The following GJD3 variants were observed in gnomAD, a reference collection of about 807,000 sequenced individuals.
The protein encoded by GJD3 is gap junction delta-3 protein.
For synonymous variants in GJD3, 217 were observed against 226.7 expected, an observed-to-expected ratio of 0.96 and a Z score of 0.38; for missense variants, 421 against 448.5, an observed-to-expected ratio of 0.94 and a Z score of 0.55.
chr17:40,364,130 A>G lies in GJD3; in HGVS notation c.-315T>C, dbSNP rs2034780370. ...TCGACCCTGGGATCCTCCAGATCCC[A>G]GATTCTTAGGAAGGACCTTGGAGAT... On this transcript the variant is annotated 5_prime_UTR_variant, in exon 1 of 1. Coordinates refer to ENST00000578689, the MANE Select transcript of GJD3 (RefSeq NM_152219.4). 3.5e-6 allele frequency: 1 copy of G among 282,244 alleles called. No homozygotes were observed. The highest frequency in any genetic ancestry group is 7.2e-6 in the Non-Finnish European group (1 of 138,910). 17.5% of individuals were successfully genotyped at this position (282,244 alleles called of 1,614,324 possible). A position where few individuals can be genotyped will look rare whatever the true frequency, so the allele number is the denominator to read the frequency against.
Position 40,362,924 on chromosome 17 carries a change from C to T in GJD3, c.*7G>A. 3 of 1,216,072 alleles carry T rather than the reference C, an allele frequency of 2.5e-6. No homozygotes were observed. Among genetic ancestry groups the T allele is most frequent in the Admixed American group, 4.4e-5 (1 of 22,700 alleles). 75.3% of individuals were successfully genotyped at this position (1,216,072 alleles called of 1,614,324 possible). On this transcript the variant is annotated 3_prime_UTR_variant, in exon 1 of 1. Transcript: ENST00000578689. The stretch of plus-strand genomic sequence containing the variant: ...GCCGTCCAGTCCGCGCGAGGCGGTG[C>T]CCGCCCCTAGATGGCCAGATCTCGG...
In GJD3 at chr17:40,362,808, C is replaced by T; in HGVS notation, c.*123G>A. 9.4e-7 allele frequency: 1 copy of T among 1,068,404 alleles called. No individual in the cohort carries two copies. Among genetic ancestry groups the T allele is most frequent in the Non-Finnish European group, 1.1e-6 (1 of 881,112 alleles). 66.2% of individuals were successfully genotyped at this position (1,068,404 alleles called of 1,614,324 possible). The stretch of plus-strand genomic sequence containing the variant: ...CCGCCCGCGGGCCGTCCCCACAACG[C>T]GTCTCCTGCCGGGGCAGGTCCCGCG... On this transcript the variant is annotated 3_prime_UTR_variant, in exon 1 of 1. Transcript: ENST00000578689.
Position 40,363,692 on chromosome 17 carries a change from C to T in GJD3, c.124G>A (p.Gly42Ser), listed in dbSNP as rs1349410479. ...FRILVLATVG[G>S]AVFEDEQEEF... ...TCTTGCTCGTCCTCGAACACGGCGC[C>T]GCCCACCGTGGCCAGCACCAGGATG... is the stretch of plus-strand genomic sequence containing the variant. Residue 42 changes from glycine (G) to serine (S), a missense_variant, in exon 1 of 1, where the codon GGC becomes AGC. Physicochemically the swap from Gly to Ser is moderately conservative, Grantham distance 56. Transcript: ENST00000578689. This position sits in a 1 kb window ranked among gnomAD's most constrained non-coding sequence, Gnocchi z 5.5. 1.9e-6 allele frequency: 3 copies of T among 1,609,990 alleles called. No individual in the cohort carries two copies. In the African/African-American group the frequency reaches 4.0e-5, roughly 21 times the overall value.
chr17:40,363,311 C>T lies in GJD3; in HGVS notation c.505G>A (p.Ala169Thr), dbSNP rs1400828649. The T allele has an allele frequency of 1.4e-6, 2 of 1,401,934 alleles. No homozygotes were observed. The highest frequency in any genetic ancestry group is 3.0e-5 in the African/African-American group (2 of 66,828). 86.8% of individuals were successfully genotyped at this position (1,401,934 alleles called of 1,614,324 possible). ...GFRVAPHFAC[A>T]GPPCPHTVDC... Reference sequence around the variant, plus strand: ...ACCGTGTGCGGGCAGGGCGGACCGGCGCACGCGAAGTGCGGGGCCACGCGG... The same window carrying T: ...ACCGTGTGCGGGCAGGGCGGACCGGTGCACGCGAAGTGCGGGGCCACGCGG... The change falls in exon 1 of 1, where the codon GCC becomes ACC. Residue 169 changes from alanine to threonine, a missense_variant. Physicochemically the swap from Ala to Thr is moderately conservative, Grantham distance 58. Coordinates refer to ENST00000578689, the MANE Select transcript of GJD3 (RefSeq NM_152219.4). The surrounding 1 kb of genome is among the most constrained non-coding windows in gnomAD (Gnocchi z 5.5).
rs2034754847 is a variant in GJD3, at chr17:40,361,877, C to A, written c.*1054G>T. Among the ~76,000 whole-genome samples, 1 of 150,420 alleles carries A rather than the reference C, an allele frequency of 6.6e-6. No individual in the cohort carries two copies. Among genetic ancestry groups the A allele is most frequent in the Admixed American group, 6.6e-5 (1 of 15,180 alleles). On this transcript the variant is annotated 3_prime_UTR_variant, in exon 1 of 1. Coordinates refer to ENST00000578689, the MANE Select transcript of GJD3 (RefSeq NM_152219.4). ...TCTGGGTTGCCCTCTGGCCCGCCGC[C>A]CACCCCCACCCCACCTCCATGAAAG... is the stretch of plus-strand genomic sequence containing the variant.
rs1349410479 is a variant in GJD3 at position 40,363,692 on chromosome 17, C to G, written c.124G>C (p.Gly42Arg). 1.2e-6 allele frequency: 2 copies of G among 1,609,872 alleles called. No individual in the cohort carries two copies. The highest frequency in any genetic ancestry group is 2.7e-5 in the African/African-American group (2 of 74,894). The part of the protein sequence containing the change: ...FRILVLATVG[G>R]AVFEDEQEEF... ...TCTTGCTCGTCCTCGAACACGGCGC[C>G]GCCCACCGTGGCCAGCACCAGGATG... Residue 42 changes from glycine (G) to arginine (R), a missense_variant, in exon 1 of 1, where the codon GGC becomes CGC. Physicochemically the swap from Gly to Arg is moderately radical, Grantham distance 125. Coordinates refer to ENST00000578689, the MANE Select transcript of GJD3 (RefSeq NM_152219.4). The surrounding 1 kb of genome is among the most constrained non-coding windows in gnomAD (Gnocchi z 5.5).
In GJD3 at chr17:40,362,036, G is replaced by T. The variant is rs1479819568; in HGVS notation, c.*895C>A. Among the ~76,000 whole-genome samples the T allele has an allele frequency of 1.3e-5, 2 of 152,122 alleles. No homozygotes were observed. The highest frequency in any genetic ancestry group is 1.3e-4 in the Admixed American group (2 of 15,280). ...TGGGCGGGGTCTCTTGGGAGGGGGG[G>T]ACAGACCTCCTGTGATGCCCTGGCA... On this transcript the variant is annotated 3_prime_UTR_variant, in exon 1 of 1. Coordinates refer to ENST00000578689, the MANE Select transcript of GJD3 (RefSeq NM_152219.4).
Position 40,362,786 on chromosome 17 carries a change from C to CG in GJD3, c.*144_*145insC. 1 of 1,048,662 alleles carries CG rather than the reference C, an allele frequency of 9.5e-7. No individual in the cohort carries two copies. Among genetic ancestry groups the CG allele is most frequent in the Non-Finnish European group, 1.2e-6 (1 of 861,374 alleles). The allele number at this position is 1,048,662 out of a possible 1,614,324, so 65.0% of individuals were successfully genotyped here. On this transcript the variant is annotated 3_prime_UTR_variant, in exon 1 of 1. Coordinates refer to ENST00000578689, the MANE Select transcript of GJD3 (RefSeq NM_152219.4). The stretch of plus-strand genomic sequence containing the variant: ...GCAGTACGAGGCAAGTGCGATGCCG[C>CG]CCGCGGGCCGTCCCCACAACGCGTC...
Position 40,363,987 on chromosome 17 carries a change from G to C in GJD3, c.-172C>G, listed in dbSNP as rs2034779109. On this transcript the variant is annotated 5_prime_UTR_variant, in exon 1 of 1. Transcript: ENST00000578689. This position sits in a 1 kb window ranked among gnomAD's most constrained non-coding sequence, Gnocchi z 5.5. ...GACCAGTATGAAACGGAGGGCCACG[G>C]GAGGGCCCGAGGGGAGCAGGCGACG... The C allele has an allele frequency of 3.4e-6, 3 of 884,622 alleles. No individual in the cohort carries two copies. The African/African-American group carries it at 5.1e-5, about 15-fold the overall frequency. The allele number at this position is 884,622 out of a possible 1,614,324, so 54.8% of individuals were successfully genotyped here. A position where few individuals can be genotyped will look rare whatever the true frequency, so the allele number is the denominator to read the frequency against.
chr17:40,362,950 C>CGGCCGGT lies in GJD3; in HGVS notation c.859_865dup (p.Arg289HisfsTer104), dbSNP rs1349060853. The CGGCCGGT allele has an allele frequency of 9.6e-6, 12 of 1,243,678 alleles. No homozygotes were observed. The highest frequency in any genetic ancestry group is 1.1e-5 in the Non-Finnish European group (11 of 991,614). 77.0% of individuals were successfully genotyped at this position (1,243,678 alleles called of 1,614,324 possible). A position where few individuals can be genotyped will look rare whatever the true frequency, so the allele number is the denominator to read the frequency against. On this transcript the variant is annotated frameshift_variant, in exon 1 of 1. Transcript: ENST00000578689. LOFTEE classifies it high-confidence loss of function. Reference sequence around the variant, plus strand: ...CCGCCCCTAGATGGCCAGATCTCGGCGGCCGGTGGCCGGTGACGCCTTGCC... The same window carrying CGGCCGGT: ...CCGCCCCTAGATGGCCAGATCTCGGCGGCCGGTGGCCGGTGGCCGGTGACGCCTTGCC...
chr17:40,363,323 G>T lies in GJD3; in HGVS notation c.493C>A (p.His165Asn). The T allele has an allele frequency of 7.1e-7, 1 of 1,410,314 alleles. No homozygotes were observed. Among genetic ancestry groups the T allele is most frequent in the Non-Finnish European group, 9.3e-7 (1 of 1,079,694 alleles). 87.4% of individuals were successfully genotyped at this position (1,410,314 alleles called of 1,614,324 possible). The change falls in exon 1 of 1, where the codon CAC becomes AAC. Residue 165 changes from histidine (H) to asparagine (N), a missense_variant. Coordinates refer to ENST00000578689, the MANE Select transcript of GJD3 (RefSeq NM_152219.4). The surrounding 1 kb of genome is among the most constrained non-coding windows in gnomAD (Gnocchi z 5.5). ...CAGGGCGGACCGGCGCACGCGAAGT[G>T]CGGGGCCACGCGGAAGCCGTAGAGC... ...ALLYGFRVAP[H>N]FACAGPPCPH...
Position 40,363,812 on chromosome 17 carries a change from C to T in GJD3, c.4G>A (p.Gly2Arg), listed in dbSNP as rs1465104844. Residue 2 changes from glycine to arginine, a missense_variant, in exon 1 of 1, where the codon GGG becomes AGG. By Grantham distance (125) the Gly-to-Arg change is moderately radical. Transcript: ENST00000578689. The surrounding 1 kb of genome is among the most constrained non-coding windows in gnomAD (Gnocchi z 5.5). ...AGCGAGCCCAGGAACGCCCACTCCCCCATGGCGCTGGGGACGCGGGGCGGG... is the reference window on the plus strand; with the variant it reads ...AGCGAGCCCAGGAACGCCCACTCCCTCATGGCGCTGGGGACGCGGGGCGGG... Reference protein sequence around the residue: MGEWAFLGSLLD... With the variant: MREWAFLGSLLD... 6.2e-7 allele frequency: 1 copy of T among 1,600,258 alleles called. No individual in the cohort carries two copies. The highest frequency in any genetic ancestry group is 8.5e-7 in the Non-Finnish European group (1 of 1,173,138).
chr17:40,363,832 G>T lies in GJD3; in HGVS notation c.-17C>A. 6.4e-7 allele frequency: 1 copy of T among 1,574,632 alleles called. No individual in the cohort carries two copies. The highest frequency in any genetic ancestry group is 1.8e-5 in the Admixed American group (1 of 56,216). On this transcript the variant is annotated 5_prime_UTR_variant, in exon 1 of 1. Coordinates refer to ENST00000578689, the MANE Select transcript of GJD3 (RefSeq NM_152219.4). This position sits in a 1 kb window ranked among gnomAD's most constrained non-coding sequence, Gnocchi z 5.5. ...CTCCCCCATGGCGCTGGGGACGCGGGGCGGGGAGTCAGGGGATGGGGCAAG... is the reference window on the plus strand; with the variant it reads ...CTCCCCCATGGCGCTGGGGACGCGGTGCGGGGAGTCAGGGGATGGGGCAAG...
chr17:40,364,110 C>T lies in GJD3; in HGVS notation c.-295G>A, dbSNP rs1260938124. 8 of 332,514 alleles carry T rather than the reference C, an allele frequency of 2.4e-5. No individual in the cohort carries two copies. In the Admixed American group the frequency reaches 3.3e-4, roughly 14 times the overall value. 20.6% of individuals were successfully genotyped at this position (332,514 alleles called of 1,614,324 possible). A position where few individuals can be genotyped will look rare whatever the true frequency, so the allele number is the denominator to read the frequency against. Reference sequence around the variant, plus strand: ...ACCCCCTGAGCCGTCTCCGTTCGACCCTGGGATCCTCCAGATCCCAGATTC... The same window carrying T: ...ACCCCCTGAGCCGTCTCCGTTCGACTCTGGGATCCTCCAGATCCCAGATTC... On this transcript the variant is annotated 5_prime_UTR_variant, in exon 1 of 1. Coordinates refer to ENST00000578689, the MANE Select transcript of GJD3 (RefSeq NM_152219.4).
At position 40,362,520 on chromosome 17, in the gene GJD3, A is replaced by C. The variant is rs2034760943; in HGVS notation, c.*411T>G. On this transcript the variant is annotated 3_prime_UTR_variant, in exon 1 of 1. Transcript: ENST00000578689. ...GTATGCACACTCGCAGAGAGCCCAC[A>C]GGGGGACCACTCTCTCTCTGAACAC... Among the ~76,000 whole-genome samples the C allele has an allele frequency of 6.6e-6, 1 of 152,194 alleles. No individual in the cohort carries two copies. The highest frequency in any genetic ancestry group is 2.4e-5 in the African/African-American group (1 of 41,454).
Position 40,360,965 on chromosome 17 carries a change from A to G in GJD3, c.*1966T>C, listed in dbSNP as rs1057188528. Reference sequence around the variant, plus strand: ...ACACCTTCAGTTTCTCATCCAACACATATTTACTGAGCACATACTACGTGC... The same window carrying G: ...ACACCTTCAGTTTCTCATCCAACACGTATTTACTGAGCACATACTACGTGC... On this transcript the variant is annotated 3_prime_UTR_variant, in exon 1 of 1. Coordinates refer to ENST00000578689, the MANE Select transcript of GJD3 (RefSeq NM_152219.4). The G allele has an allele frequency of 4.4e-6, 2 of 456,350 alleles. No individual in the cohort carries two copies. Among genetic ancestry groups the G allele is most frequent in the Non-Finnish European group, 8.8e-6 (2 of 226,746 alleles). The allele number at this position is 456,350 out of a possible 1,614,324, so 28.3% of individuals were successfully genotyped here.
In GJD3 at chr17:40,362,610, C is replaced by T. The variant is rs1014540541; in HGVS notation, c.*321G>A. ...TCCCCAGTAAAACAACCACTCTCCA[C>T]CTTCCGCTCTGTTCTCCCCCTCGGG... is the stretch of plus-strand genomic sequence containing the variant. On this transcript the variant is annotated 3_prime_UTR_variant, in exon 1 of 1. Coordinates refer to ENST00000578689, the MANE Select transcript of GJD3 (RefSeq NM_152219.4). Among the ~76,000 whole-genome samples, 2 of 152,254 alleles carry T rather than the reference C, an allele frequency of 1.3e-5. No homozygotes were observed. Among genetic ancestry groups the T allele is most frequent in the African/African-American group, 4.8e-5 (2 of 41,476 alleles).
rs191658775 is a variant in GJD3 at position 40,363,443 on chromosome 17, A to G, written c.373T>C (p.Cys125Arg). 362 of 1,332,678 alleles carry G rather than the reference A, an allele frequency of 2.7e-4. No homozygotes were observed. In the African/African-American group the frequency reaches 5.0e-3, roughly 18 times the overall value. The allele number at this position is 1,332,678 out of a possible 1,614,324, so 82.6% of individuals were successfully genotyped here. A position where few individuals can be genotyped will look rare whatever the true frequency, so the allele number is the denominator to read the frequency against. ...CGCGCGCGGCGGGCGCGCAGGGCGC[A>G]CGGCGCGCACTGGGCCTCGGGCAGT... ...PGLPEAQCAPCALRARRARRC... is the reference protein window; with the variant it reads ...PGLPEAQCAPRALRARRARRC... The change falls in exon 1 of 1, where the codon TGC (cysteine) becomes CGC (arginine). Residue 125 changes from cysteine to arginine, a missense_variant. By Grantham distance (180) the Cys-to-Arg change is radical. Transcript: ENST00000578689. This position sits in a 1 kb window ranked among gnomAD's most constrained non-coding sequence, Gnocchi z 5.5.
rs2034771029 is a variant in GJD3 at position 40,363,391 on chromosome 17, A to C, written c.425T>G (p.Leu142Arg). 2.9e-6 allele frequency: 4 copies of C among 1,386,170 alleles called. No homozygotes were observed. The South Asian group carries it at 4.7e-5, about 16-fold the overall frequency. The allele number at this position is 1,386,170 out of a possible 1,614,324, so 85.9% of individuals were successfully genotyped here. ...ARRCYLLSVA[L>R]RLLAELTFLG... ...GAAGGTCAGCTCGGCCAGCAGGCGC[A>C]GCGCCACGCTCAGCAGGTAGCAGCG... The change falls in exon 1 of 1, where the codon CTG becomes CGG. Residue 142 changes from leucine to arginine, a missense_variant. Physicochemically the swap from Leu to Arg is moderately radical, Grantham distance 102 (BLOSUM62 -2). Transcript: ENST00000578689. The surrounding 1 kb of genome is among the most constrained non-coding windows in gnomAD (Gnocchi z 5.5).
Sources: gnomAD v4.1 joint callset for allele counts (sites outside exome capture counted in the v4.1 genomes callset) on GRCh38, gnomAD v4.1.1 for gene constraint, Gnocchi (gnomAD v3.1) non-coding constraint, MANE v1.5 for transcripts, NCBI Gene and HGNC (gene_info 2026-07-23, HGNC 2026-07-21) for gene names.